Variants in NCK1 observed in about 807,000 individuals in gnomAD.
NCK1 encodes NCK adaptor protein 1.
Under a neutral mutation model 36.6 loss-of-function variants are expected in NCK1, and 19 were observed. The ratio of observed to expected loss-of-function variants is 0.52; its 90% CI spans 0.36 to 0.76. The LOEUF is 0.76. Among genes scored for constraint, NCK1 ranks in the 30% least tolerant of loss-of-function variants. The pLI is 0.00. For missense variants in NCK1, 358 were observed against 445.6 expected (o/e 0.80, Z 1.77); for synonymous variants, 165 against 156.0 (o/e 1.06, Z -0.43).
intron 1 of NCK1, among the ~76,000 whole-genome samples, chr3:136,919,391 A>G (rs570433090): frequency 1.3e-5 from 2 of 152,178 alleles, no homozygotes; most frequent in South Asian, 4.1e-4. Flanking sequence ...TTATCCATCT[A>G]TTATGTATCA....
intron 1 of NCK1, among the ~76,000 whole-genome samples, chr3:136,893,198 A>ACACACACACACACACCATATT (rs1347213828): frequency 2.3e-5 from 3 of 132,260 alleles, no homozygotes; most frequent in Non-Finnish European, 3.3e-5. Context: ...ATATACACAC[A>ACACACACACACACACCATATT]TGTGCAAGTA....
intron 1 of NCK1, among the ~76,000 whole-genome samples, chr3:136,873,140 C>T (rs1015796124): frequency 6.6e-5 from 10 of 152,142 alleles, no homozygotes; most frequent in Middle Eastern, 3.2e-3. Context: ...GGAAAAGCTG[C>T]AGACACTCAA....
chr3:136,914,428 T>C (rs1168310552), intron 1 of NCK1, among the ~76,000 whole-genome samples: 1 of 152,240 alleles, frequency 6.6e-6, no homozygotes, highest in East Asian at 1.9e-4. Context: ...CAGATTATAC[T>C]AGTACAATTG....
rs1560055771 is a variant in NCK1 at position 136,944,111 on chromosome 3, C to CTTTTTTTTTTTTTTTTTTTTTT, written c.227-1472_227-1471insTTTTTTTTTTTTTTTTTTTTTT. Among the ~76,000 whole-genome samples, 2 of 80,926 alleles carry CTTTTTTTTTTTTTTTTTTTTTT rather than the reference C, an allele frequency of 2.5e-5. 1 individual carries two copies. Among genetic ancestry groups the CTTTTTTTTTTTTTTTTTTTTTT allele is most frequent in the African/African-American group, 1.1e-4 (2 of 17,446 alleles). The allele number at this position is 80,926 out of a possible 152,430, so 53.1% of individuals were successfully genotyped here. On this transcript the variant is annotated intron_variant, in intron 2 of 3. Coordinates refer to ENST00000481752, the MANE Select transcript of NCK1 (RefSeq NM_001291999.2). ...AAAGTCGAGGGAAAAGGAAAAACAA[C>CTTTTTTTTTTTTTTTTTTTTTT]CTTTTTTTTTTTTTTTTTTTTTTTT...
rs34349896 is a variant in NCK1, at chr3:136,867,253, G to GTCTC, written c.-19+4910_-19+4913dup. Among the ~76,000 whole-genome samples the GTCTC allele has an allele frequency of 2.6e-3, 294 of 114,444 alleles. 10 individuals carry two copies. Among genetic ancestry groups the GTCTC allele is most frequent in the African/African-American group, 4.9e-3 (146 of 29,996 alleles). 75.1% of individuals were successfully genotyped at this position (114,444 alleles called of 152,430 possible). A position where few individuals can be genotyped will look rare whatever the true frequency, so the allele number is the denominator to read the frequency against. On this transcript the variant is annotated intron_variant, in intron 1 of 3. Transcript: ENST00000481752. ...CATCCATCCGTCTGTCCGTCCGTCT[G>GTCTC]TCTCTCTCTCTCTTTCTTTCTTTCT...
chr3:136,877,672 A>G (rs1288114089), intron 1 of NCK1, among the ~76,000 whole-genome samples: 1 of 152,212 alleles, frequency 6.6e-6, no homozygotes, highest in Non-Finnish European at 1.5e-5. Flanking sequence ...TAAAGAAAAG[A>G]CGGCAACAAT....
Position 136,946,268 on chromosome 3 carries a change from T to C in NCK1, c.912T>C (p.Asp304=). ...TAAATGAAAGAGGACATGAAGGGGA[T>C]TTCCTCATTCGTGATAGTGAATCTT... ...MALNERGHEG[D]FLIRDSESSP... is the part of the protein sequence containing the mutation. Residue 304 remains aspartate (D), a synonymous_variant, in exon 3 of 4, where the codon GAT becomes GAC. Transcript: ENST00000481752. The C allele has an allele frequency of 5.0e-6, 8 of 1,612,566 alleles. No individual in the cohort carries two copies. Among genetic ancestry groups the C allele is most frequent in the Non-Finnish European group, 5.9e-6 (7 of 1,179,254 alleles).
At chr3:136,869,800 AT>A (rs1230216559) in intron 1 of NCK1, among the ~76,000 whole-genome samples, 4 of 151,918 alleles carry the variant, frequency 2.6e-5, no homozygotes, top group Non-Finnish European at 5.9e-5. Flanking sequence ...TTTTTCATTT[AT>A]TTTTTGGTTG....
At chr3:136,863,928 C>T (rs1279465136) in intron 1 of NCK1, among the ~76,000 whole-genome samples, 2 of 151,356 alleles carry the variant, frequency 1.3e-5, no homozygotes, top group Non-Finnish European at 2.9e-5. Context: ...GGTGAAACCC[C>T]GTCTCTACTA....
chr3:136,873,639 T>C (rs1037139471), intron 1 of NCK1, among the ~76,000 whole-genome samples: 15 of 152,166 alleles, frequency 9.9e-5, no homozygotes, highest in Non-Finnish European at 5.9e-5. Flanking sequence ...CCCACCCATA[T>C]TTCATCTTGA....
At position 136,946,062 on chromosome 3, in the gene NCK1, A is replaced by T; in HGVS notation, c.706A>T (p.Asn236Tyr). 6.2e-7 allele frequency: 1 copy of T among 1,614,028 alleles called. No homozygotes were observed. Among genetic ancestry groups the T allele is most frequent in the Non-Finnish European group, 8.5e-7 (1 of 1,179,982 alleles). ...DPEWWKCRKINGMVGLVPKNY... is the reference protein window; with the variant it reads ...DPEWWKCRKIYGMVGLVPKNY... ...AGAGTGGTGGAAATGCAGGAAGATC[A>T]ATGGTATGGTTGGTCTAGTACCAAA... Residue 236 changes from asparagine (N) to tyrosine (Y), a missense_variant, in exon 3 of 4, where the codon AAT (asparagine) becomes TAT (tyrosine). Asn to Tyr is a moderately radical substitution (Grantham distance 143). This residue lies in a region of NCK1 where 207 missense variants were observed against 253.4 expected (regional missense o/e 0.82). Transcript: ENST00000481752.
intron 1 of NCK1, among the ~76,000 whole-genome samples, chr3:136,902,882 A>G (rs1014036204): frequency 3.9e-5 from 6 of 152,252 alleles, no homozygotes; most frequent in African/African-American, 1.4e-4. Flanking sequence ...ATCAACACAC[A>G]TAAATCAATA....
chr3:136,871,133 A>G (rs1938605250), intron 1 of NCK1, among the ~76,000 whole-genome samples: 1 of 151,766 alleles, frequency 6.6e-6, no homozygotes, highest in Admixed American at 6.6e-5. Flanking sequence ...ATGGTGGCTT[A>G]TGCTTGTAAT....
chr3:136,945,648 G>C lies in NCK1; in HGVS notation c.292G>C (p.Val98Leu), dbSNP rs759443661. 2.5e-6 allele frequency: 4 copies of C among 1,613,982 alleles called. No individual in the cohort carries two copies. The highest frequency in any genetic ancestry group is 3.4e-6 in the Non-Finnish European group (4 of 1,179,950). ...DSASPADDSF[V>L]DPGERLYDLN... ...TGCATCTCCTGCTGATGATAGTTTT[G>C]TTGACCCAGGGGAACGTCTCTATGA... The change falls in exon 3 of 4, where the codon GTT becomes CTT. Residue 98 changes from valine (V) to leucine (L), a missense_variant. This residue lies in a region of NCK1 where 143 missense variants were observed against 162.4 expected (regional missense o/e 0.88). Transcript: ENST00000481752.
At chr3:136,935,629 G>A (rs1198874837) in intron 2 of NCK1, among the ~76,000 whole-genome samples, 1 of 152,006 alleles carries the variant, frequency 6.6e-6, no homozygotes, top group East Asian at 1.9e-4. Flanking sequence ...CTGAAGAAGA[G>A]TGACCATAGT....
At chr3:136,871,497 T>C (rs1938617209) in intron 1 of NCK1, among the ~76,000 whole-genome samples, 1 of 152,354 alleles carries the variant, frequency 6.6e-6, no homozygotes, top group South Asian at 2.1e-4. Context: ...TTTGTAGATA[T>C]CTGTGTAGTC....
At chr3:136,878,686 C>A (rs999100284) in intron 1 of NCK1, among the ~76,000 whole-genome samples, 1 of 124,760 alleles carries the variant, frequency 8.0e-6, no homozygotes, top group African/African-American at 2.9e-5. Context: ...TTATGATAAT[C>A]TGAGTTGTAT....
At chr3:136,888,935 T>C (rs892454361) in intron 1 of NCK1, 21 of 152,002 alleles carry the variant, frequency 1.4e-4, no homozygotes, top group South Asian at 6.2e-4. Flanking sequence ...CAGTGCTTGA[T>C]CACAGCTCAC....
intron 1 of NCK1, among the ~76,000 whole-genome samples, chr3:136,924,629 A>AT (rs1200709854): frequency 2.6e-5 from 4 of 152,216 alleles, no homozygotes; most frequent in African/African-American, 9.7e-5. Flanking sequence ...AAATATACTG[A>AT]TAATTTAATT....
Sources: gnomAD v4.1 joint callset for allele counts (sites outside exome capture counted in the v4.1 genomes callset) on GRCh38, gnomAD v4.1.1 for gene constraint, gnomAD v4.1.1 regional missense constraint, MANE v1.5 for transcripts, NCBI Gene and HGNC (gene_info 2026-07-23, HGNC 2026-07-21) for gene names.